Variants in RAB6A observed in about 807,000 individuals in gnomAD.
RAB6A encodes ras-related protein Rab-6A.
In RAB6A, 8 loss-of-function variants were observed where a neutral mutation model predicts 32.3. The ratio of observed to expected loss-of-function variants is 0.25; its 90% CI spans 0.15 to 0.45. RAB6A has a LOEUF of 0.45. Ranked by LOEUF, RAB6A falls within the 20% of genes least tolerant of loss-of-function variation. The pLI is 1.00. For missense variants in RAB6A, 104 were observed against 249.4 expected, an observed-to-expected ratio of 0.42 and a Z score of 3.93; for synonymous variants, 73 against 82.1, an observed-to-expected ratio of 0.89 and a Z score of 0.60.
At chr11:73,728,645 A>ATAATAATAATAATAATAT (rs1176820223) in intron 2 of RAB6A, among the ~76,000 whole-genome samples, 1 of 148,298 alleles carries the variant, frequency 6.7e-6, no homozygotes, top group Non-Finnish European at 1.5e-5. Context: ...AATAATAATA[A>ATAATAATAATAATAATAT]TAAATGAAAT....
At chr11:73,706,469 G>T (rs4261305) in intron 6 of RAB6A, among the ~76,000 whole-genome samples, 1 of 150,534 alleles carries the variant, frequency 6.6e-6, no homozygotes, top group Non-Finnish European at 1.5e-5. Context: ...AGCCGAGATC[G>T]CGCCACTGCA....
rs184687072 is a variant in RAB6A at position 73,678,142 on chromosome 11, C to A, written c.563-180G>T. ...AATGGAATAAACTTGTTTATATCTA[C>A]TATATGCAACAAGGGTCAGAATGAG... On this transcript the variant is annotated intron_variant, in intron 7 of 7. Coordinates refer to ENST00000336083, the MANE Select transcript of RAB6A (RefSeq NM_198896.2). Among the ~76,000 whole-genome samples the A allele has an allele frequency of 4.9e-3, 753 of 152,250 alleles. 23 individuals are homozygous for A. Among genetic ancestry groups the A allele is most frequent in the Non-Finnish European group, 1.4e-3 (95 of 68,022 alleles).
intron 5 of RAB6A, among the ~76,000 whole-genome samples, chr11:73,710,753 ATTTT>A (rs200147374): frequency 7.1e-6 from 1 of 141,622 alleles, no homozygotes; most frequent in African/African-American, 2.6e-5. Context: ...AAAAAAGTTA[ATTTT>A]TTTTTTTTTT....
At chr11:73,711,008 C>T in intron 5 of RAB6A, among the ~76,000 whole-genome samples, 1 of 152,142 alleles carries the variant, frequency 6.6e-6, no homozygotes, top group East Asian at 1.9e-4. Flanking sequence ...CTCATGGGCC[C>T]ACTAATTGGG....
Position 73,675,779 on chromosome 11 carries a change from T to C in RAB6A, c.*2119A>G, listed in dbSNP as rs948270403. On this transcript the variant is annotated 3_prime_UTR_variant, in exon 8 of 8. Coordinates refer to ENST00000336083, the MANE Select transcript of RAB6A (RefSeq NM_198896.2). ...AGACCAATCAATATTAAAAGCAGTA[T>C]AACTGGTTACTTTCTTAAAAATACA... is the stretch of plus-strand genomic sequence containing the variant. 1 of 165,800 alleles carries C rather than the reference T, an allele frequency of 6.0e-6. No individual in the cohort carries two copies. The highest frequency in any genetic ancestry group is 2.4e-5 in the African/African-American group (1 of 41,402). 10.3% of individuals were successfully genotyped at this position (165,800 alleles called of 1,614,324 possible). A position where few individuals can be genotyped will look rare whatever the true frequency, so the allele number is the denominator to read the frequency against.
intron 1 of RAB6A, among the ~76,000 whole-genome samples, chr11:73,744,414 G>C (rs951429506): frequency 2.0e-5 from 3 of 148,796 alleles, no homozygotes; most frequent in African/African-American, 7.4e-5. Context: ...AGGAGGCTGA[G>C]GGAGGAGTAT....
chr11:73,709,961 A>ATATTT (rs1555058418), intron 5 of RAB6A, among the ~76,000 whole-genome samples: 3 of 81,740 alleles, frequency 3.7e-5, no homozygotes, highest in African/African-American at 1.1e-4. Context: ...ATATATATAT[A>ATATTT]TTTTTTTTTT....
chr11:73,717,720 C>T (rs996186248), intron 4 of RAB6A, among the ~76,000 whole-genome samples: 2 of 152,158 alleles, frequency 1.3e-5, no homozygotes, highest in African/African-American at 2.4e-5. Context: ...TGGGGATTTC[C>T]GGCGTGAGCC....
chr11:73,688,378 T>C (rs1174572512), intron 6 of RAB6A, among the ~76,000 whole-genome samples: 1 of 152,170 alleles, frequency 6.6e-6, no homozygotes, highest in Non-Finnish European at 1.5e-5. Context: ...CTATTTACCA[T>C]CTCTGGAAGG....
chr11:73,743,598 T>C (rs1182701611), intron 1 of RAB6A, among the ~76,000 whole-genome samples: 1 of 151,720 alleles, frequency 6.6e-6, no homozygotes, highest in Non-Finnish European at 1.5e-5. Flanking sequence ...GCCTGGGCAA[T>C]ATGGCGAGAT....
At chr11:73,750,411 ATGATGT>A (rs1565380470) in intron 1 of RAB6A, among the ~76,000 whole-genome samples, 1 of 149,074 alleles carries the variant, frequency 6.7e-6, no homozygotes, top group East Asian at 2.0e-4. Context: ...GTGCAGTGGC[ATGATGT>A]CAGCTCACTG....
rs1255564544 is a variant in RAB6A, at chr11:73,707,384, A to G, written c.495+36T>C. The G allele has an allele frequency of 3.4e-6, 5 of 1,450,362 alleles. No individual in the cohort carries two copies. In the Admixed American group the frequency reaches 5.1e-5, roughly 15 times the overall value. The allele number at this position is 1,450,362 out of a possible 1,614,324, so 89.8% of individuals were successfully genotyped here. On this transcript the variant is annotated intron_variant, in intron 6 of 7. Transcript: ENST00000336083. ...AATAGAATACTCACACAATTATTTC[A>G]TATTTTTTCAATTTGGTAACCTCAA...
At chr11:73,723,947 A>G (rs549229496) in intron 2 of RAB6A, among the ~76,000 whole-genome samples, 48 of 152,322 alleles carry the variant, frequency 3.2e-4, no homozygotes, top group African/African-American at 1.1e-3. Context: ...ATTTCAATAT[A>G]TAAGATTTTT....
intron 1 of RAB6A, among the ~76,000 whole-genome samples, chr11:73,752,880 T>G (rs751947631): frequency 3.3e-5 from 5 of 151,226 alleles, no homozygotes; most frequent in Non-Finnish European, 7.4e-5. Context: ...TGGAAGAAAG[T>G]TGAGAAAAAT....
In RAB6A at chr11:73,716,371, G is replaced by A; in HGVS notation, c.290-9C>T. ...CTGGAATGAGTTAACATCTAGTATA[G>A]GAGGGTAGACAGAGAGATTAGTGTT... On this transcript the variant is annotated splice_polypyrimidine_tract_variant and intron_variant, in intron 4 of 7. Transcript: ENST00000336083. 1.3e-6 allele frequency: 2 copies of A among 1,594,230 alleles called. No homozygotes were observed. Among genetic ancestry groups the A allele is most frequent in the Non-Finnish European group, 1.7e-6 (2 of 1,162,352 alleles).
intron 5 of RAB6A, among the ~76,000 whole-genome samples, chr11:73,715,251 C>T (rs1476457110): frequency 1.3e-5 from 2 of 152,014 alleles, no homozygotes; most frequent in Admixed American, 6.6e-5. Context: ...CTCAGCCTCC[C>T]GAGTAGCTGG....
At chr11:73,708,644 T>A (rs543910063) in intron 5 of RAB6A, among the ~76,000 whole-genome samples, 1 of 152,338 alleles carries the variant, frequency 6.6e-6, no homozygotes, top group Non-Finnish European at 1.5e-5. Context: ...TCATTTATAT[T>A]GGTATTCCTA....
intron 4 of RAB6A, among the ~76,000 whole-genome samples, chr11:73,716,948 A>G (rs1946062189): frequency 6.6e-6 from 1 of 152,226 alleles, no homozygotes; most frequent in South Asian, 2.1e-4. Context: ...GTACTTCAAC[A>G]CTTCTTACAG....
At chr11:73,703,133 A>AC (rs1452428907) in intron 6 of RAB6A, among the ~76,000 whole-genome samples, 1 of 152,092 alleles carries the variant, frequency 6.6e-6, no homozygotes, top group Non-Finnish European at 1.5e-5. Context: ...AATTAAAAAA[A>AC]ATTGGAAAAA....
Sources: gnomAD v4.1 joint callset for allele counts (sites outside exome capture counted in the v4.1 genomes callset) on GRCh38, gnomAD v4.1.1 for gene constraint, MANE v1.5 for transcripts, NCBI Gene and HGNC (gene_info 2026-07-23, HGNC 2026-07-21) for gene names.